ANO2: variants seen among roughly 807,000 people sequenced by gnomAD.
The protein encoded by ANO2 is anoctamin 2.
A neutral mutation model predicts 124.2 loss-of-function variants in ANO2; 101 were observed. The ratio of observed to expected loss-of-function variants is 0.81; its 90% CI spans 0.69 to 0.96. The LOEUF is 0.96. Among genes scored for constraint, ANO2 ranks in the 40% least tolerant of loss-of-function variants. ANO2 has a pLI of 0.00. For missense variants in ANO2, 1,293 were observed against 1,274.5 expected, an observed-to-expected ratio of 1.01 and a Z score of -0.22; for synonymous variants, 486 against 482.5, an observed-to-expected ratio of 1.01 and a Z score of -0.09.
At chr12:5,697,533 C>G (rs1308169216) in intron 14 of ANO2, among the ~76,000 whole-genome samples, 1 of 152,190 alleles carries the variant, frequency 6.6e-6, no homozygotes, top group Non-Finnish European at 1.5e-5. Flanking sequence ...ATGAGCGATG[C>G]AGAAGACGGA....
At chr12:5,652,963 C>T (rs1198503912) in intron 14 of ANO2, among the ~76,000 whole-genome samples, 1 of 152,196 alleles carries the variant, frequency 6.6e-6, no homozygotes, top group Non-Finnish European at 1.5e-5. Context: ...GCAGTATCTA[C>T]AGATTCTCCT....
chr12:5,880,206 T>C (rs1454205770), intron 3 of ANO2, among the ~76,000 whole-genome samples: 1 of 152,074 alleles, frequency 6.6e-6, no homozygotes. Context: ...ACAGAGAAGA[T>C]ACTGAGTTTT....
intron 3 of ANO2, among the ~76,000 whole-genome samples, chr12:5,883,394 A>T (rs1938643194): frequency 6.6e-6 from 1 of 152,174 alleles, no homozygotes. Flanking sequence ...TTAGCTGTTT[A>T]ATATGCATCC....
intron 1 of ANO2, among the ~76,000 whole-genome samples, chr12:5,938,429 T>C (rs781346450): frequency 2.6e-5 from 4 of 152,228 alleles, no homozygotes; most frequent in Non-Finnish European, 5.9e-5. Context: ...ACAGAATGTC[T>C]ATCCCAGGAC....
intron 14 of ANO2, among the ~76,000 whole-genome samples, chr12:5,730,536 C>T (rs1469215734): frequency 6.6e-6 from 1 of 152,186 alleles, no homozygotes. Flanking sequence ...CAAGCACATC[C>T]AAGACCACCA....
intron 7 of ANO2, among the ~76,000 whole-genome samples, chr12:5,819,000 G>A (rs1953700651): frequency 6.6e-6 from 1 of 152,190 alleles, no homozygotes; most frequent in Non-Finnish European, 1.5e-5. Flanking sequence ...AAGACAAAGA[G>A]CTGAAATTGT....
intron 14 of ANO2, among the ~76,000 whole-genome samples, chr12:5,690,848 A>C (rs562628362): frequency 6.6e-6 from 1 of 152,312 alleles, no homozygotes; most frequent in African/African-American, 2.4e-5. Flanking sequence ...ACAGAAATCT[A>C]ATAAAAATCA....
chr12:5,831,177 A>G (rs1565705755), intron 5 of ANO2, among the ~76,000 whole-genome samples: 1 of 152,246 alleles, frequency 6.6e-6, no homozygotes, highest in Non-Finnish European at 1.5e-5. Flanking sequence ...ATACGCTCCC[A>G]GCACCCCAGG....
chr12:5,739,487 T>C, intron 12 of ANO2, 88 bp from the exon 13 acceptor site: 1 of 1,088,186 alleles, frequency 9.2e-7, no homozygotes, highest in Non-Finnish European at 1.3e-6. Flanking sequence ...AGGTGGGGGA[T>C]AAGCTATTTT....
chr12:5,637,360 TAC>T (rs1352893828), intron 15 of ANO2, among the ~76,000 whole-genome samples: 10 of 148,804 alleles, frequency 6.7e-5, no homozygotes, highest in South Asian at 2.2e-4. Flanking sequence ...TGTGTGTGTG[TAC>T]GTGTGTGTGT....
intron 13 of ANO2, 85 bp downstream of exon 13, chr12:5,739,232 T>A: frequency 8.2e-7 from 1 of 1,225,988 alleles, no homozygotes; most frequent in Non-Finnish European, 1.2e-6. Flanking sequence ...CATACATGGT[T>A]ATCTCACTCA....
chr12:5,635,623 ACACACAAT>A lies in ANO2; in HGVS notation c.1621-284_1621-277del, dbSNP rs1313371984. 6.6e-6 allele frequency among the ~76,000 whole-genome samples: 1 copy of A among 151,848 alleles called. No individual in the cohort carries two copies. Among genetic ancestry groups the A allele is most frequent in the African/African-American group, 2.4e-5 (1 of 41,336 alleles). ...ATCACACACACACACACACACACAC[ACACACAAT>A]AAGGATGAACATGCTGGACCCTGTG... is the stretch of plus-strand genomic sequence containing the variant. On this transcript the variant is annotated intron_variant, in intron 15 of 24. Coordinates refer to ENST00000682330, the MANE Select transcript of ANO2 (RefSeq NM_001364791.2). The surrounding 1 kb of genome is among the most constrained non-coding windows in gnomAD (Gnocchi z 5.2).
intron 3 of ANO2, among the ~76,000 whole-genome samples, chr12:5,909,971 C>T (rs1436342425): frequency 2.0e-5 from 3 of 152,238 alleles, no homozygotes; most frequent in Non-Finnish European, 4.4e-5. Flanking sequence ...TCCGAGGCAA[C>T]AAGGAGACTA....
chr12:5,654,768 ACTCTTAGT>A (rs1454042800), intron 14 of ANO2, among the ~76,000 whole-genome samples: 1 of 151,740 alleles, frequency 6.6e-6, no homozygotes, highest in Non-Finnish European at 1.5e-5. Flanking sequence ...TTCTTCCACT[ACTCTTAGT>A]CTCTTATTTA....
intron 10 of ANO2, among the ~76,000 whole-genome samples, chr12:5,766,329 T>C (rs990296141): frequency 6.6e-6 from 1 of 152,130 alleles, no homozygotes; most frequent in East Asian, 1.9e-4. Context: ...AATGGATAAA[T>C]GCATTTTGGT....
At chr12:5,651,223 T>C (rs981946977) in intron 14 of ANO2, among the ~76,000 whole-genome samples, 4 of 152,224 alleles carry the variant, frequency 2.6e-5, no homozygotes, top group Admixed American at 6.5e-5. Flanking sequence ...CCCTTGATGA[T>C]GGCTCCCATT....
chr12:5,875,666 G>A (rs185824221), intron 3 of ANO2, among the ~76,000 whole-genome samples: 18 of 152,286 alleles, frequency 1.2e-4, no homozygotes, highest in Middle Eastern at 3.4e-3. Context: ...ACATCAGGCC[G>A]CTTGGCTCTC....
At chr12:5,711,413 C>G (rs1949813157) in intron 14 of ANO2, among the ~76,000 whole-genome samples, 1 of 152,138 alleles carries the variant, frequency 6.6e-6, no homozygotes, top group South Asian at 2.1e-4. Flanking sequence ...TGAGGCCTCC[C>G]CAGCGGCCAA....
At chr12:5,613,035 G>T in intron 17 of ANO2, 77 bp from the exon 18 acceptor site, 3 of 1,395,786 alleles carry the variant, frequency 2.1e-6, no homozygotes, top group Middle Eastern at 1.8e-4. Flanking sequence ...CTTCTGAGGG[G>T]AATACCACCA....
Sources: allele counts gnomAD v4.1 joint callset (sites outside exome capture counted in the v4.1 genomes callset), GRCh38; gene constraint gnomAD v4.1.1; non-coding constraint Gnocchi (gnomAD v3.1); transcripts MANE v1.5; gene names NCBI Gene and HGNC (gene_info 2026-07-23, HGNC 2026-07-21).